Variants in FERMT2 observed in about 807,000 individuals in gnomAD.
The protein encoded by FERMT2 is fermitin family homolog 2.
In FERMT2, 15 loss-of-function variants were observed where a neutral mutation model predicts 82.7. The observed-to-expected ratio is 0.18, with a 90% confidence interval of 0.12 to 0.28. The LOEUF is 0.28. Ranked by LOEUF, FERMT2 falls within the 10% of genes least tolerant of loss-of-function variation. The pLI, the probability that FERMT2 is intolerant of heterozygous loss-of-function variation, is 1.00. For synonymous variants in FERMT2, 274 were observed against 271.5 expected (o/e 1.01, Z -0.09); for missense variants, 645 against 809.4 (o/e 0.80, Z 2.46).
chr14:52,919,874 C>T (rs558432807), intron 2 of FERMT2, among the ~76,000 whole-genome samples: 4 of 152,194 alleles, frequency 2.6e-5, no homozygotes, highest in East Asian at 3.9e-4. Flanking sequence ...AGGGAAAACA[C>T]CCATGAGAAA....
chr14:52,933,480 G>C (rs964707151), intron 2 of FERMT2, among the ~76,000 whole-genome samples: 5 of 151,952 alleles, frequency 3.3e-5, no homozygotes, highest in East Asian at 1.9e-4. Flanking sequence ...AGGCTGAGGT[G>C]GGGGGGAATC....
chr14:52,881,283 T>G lies in FERMT2; in HGVS notation c.713A>C (p.Lys238Thr), dbSNP rs146421425. 6.2e-7 allele frequency: 1 copy of G among 1,613,992 alleles called. No individual in the cohort carries two copies. The highest frequency in any genetic ancestry group is 8.5e-7 in the Non-Finnish European group (1 of 1,180,002). Residue 238 changes from lysine to threonine, a missense_variant, in exon 5 of 15, where the codon AAG becomes ACG. Lys to Thr is a moderately conservative substitution (Grantham distance 78). Coordinates refer to ENST00000341590, the MANE Select transcript of FERMT2 (RefSeq NM_006832.3). ...TSPEILAKMF[K>T]PQALLDKAKI... ...TGCTTTATCAAGAAGAGCTTGAGGC[T>G]TGAACATTTTTGCCAAGATTTCTGG...
rs766674832 is a variant in FERMT2, at chr14:52,881,418, T to C, written c.578A>G (p.Tyr193Cys). 1.9e-6 allele frequency: 3 copies of C among 1,613,970 alleles called. No homozygotes were observed. The East Asian group carries it at 6.7e-5, about 36-fold the overall frequency. ...GLYSKTMTPTYDAHDGSPLSP... is the reference protein window; with the variant it reads ...GLYSKTMTPTCDAHDGSPLSP... ...CAAGGGGCTTCCATCATGAGCATCA[T>C]AAGTGGGGGTCATTGTTTTACTATA... is the stretch of plus-strand genomic sequence containing the variant. The change falls in exon 5 of 15, where the codon TAT (tyrosine) becomes TGT (cysteine). Residue 193 changes from tyrosine to cysteine, a missense_variant. By Grantham distance (194) the Tyr-to-Cys change is radical. Transcript: ENST00000341590.
intron 12 of FERMT2, chr14:52,861,075 G>GAAA: frequency 6.9e-7 from 1 of 1,440,436 alleles, no homozygotes; most frequent in East Asian, 2.7e-5. Flanking sequence ...GAAGCAGAAA[G>GAAA]AAAAAAAAAG....
At chr14:52,887,350 A>AG (rs963560990) in intron 4 of FERMT2, among the ~76,000 whole-genome samples, 1 of 152,098 alleles carries the variant, frequency 6.6e-6, no homozygotes, top group African/African-American at 2.4e-5. Flanking sequence ...TCATCTCTAC[A>AG]AAAAATACAA....
At chr14:52,914,736 A>G (rs1158629886) in intron 3 of FERMT2, among the ~76,000 whole-genome samples, 1 of 152,044 alleles carries the variant, frequency 6.6e-6, no homozygotes, top group Non-Finnish European at 1.5e-5. Flanking sequence ...CCTGGCCCAC[A>G]TGGCAAAACC....
rs1044780418 is a variant in FERMT2, at chr14:52,919,439, G to C, written c.158-83C>G. ...ATTAAAAGCAGAAAACTAGATAATT[G>C]GGTATTTAACAGCAATAATTAACTA... On this transcript the variant is annotated intron_variant, in intron 2 of 14. Coordinates refer to ENST00000341590, the MANE Select transcript of FERMT2 (RefSeq NM_006832.3). The C allele has an allele frequency of 7.4e-6, 7 of 941,292 alleles. No homozygotes were observed. The African/African-American group carries it at 1.0e-4, about 14-fold the overall frequency. 58.3% of individuals were successfully genotyped at this position (941,292 alleles called of 1,614,324 possible).
chr14:52,900,374 T>TATAAAAC lies in FERMT2; in HGVS notation c.392-6948_392-6947insGTTTTAT, dbSNP rs1484966494. 3.9e-5 allele frequency among the ~76,000 whole-genome samples: 6 copies of TATAAAAC among 151,958 alleles called. No individual in the cohort carries two copies. The East Asian group carries it at 7.7e-4, about 20-fold the overall frequency. ...ACACAGGCTATATAAATACTATACA[T>TATAAAAC]ATAAAAAAGCATGAGGGTGAGGGGA... On this transcript the variant is annotated intron_variant, in intron 3 of 14. Transcript: ENST00000341590.
chr14:52,946,069 G>A (rs1342979530), intron 2 of FERMT2, among the ~76,000 whole-genome samples: 2 of 151,734 alleles, frequency 1.3e-5, no homozygotes, highest in African/African-American at 4.8e-5. Flanking sequence ...TAGAGGCGGG[G>A]TTTCACCATA....
chr14:52,914,348 T>G (rs1888497258), intron 3 of FERMT2, among the ~76,000 whole-genome samples: 1 of 151,836 alleles, frequency 6.6e-6, no homozygotes, highest in Non-Finnish European at 1.5e-5. Flanking sequence ...CCAGCCTGGG[T>G]GACAGAGCAA....
At chr14:52,943,606 T>C (rs1890193877) in intron 2 of FERMT2, among the ~76,000 whole-genome samples, 1 of 152,236 alleles carries the variant, frequency 6.6e-6, no homozygotes, top group Non-Finnish European at 1.5e-5. Context: ...ACTGTAATTA[T>C]GCAAGAGAAG....
chr14:52,867,709 A>C (rs1256921646), intron 10 of FERMT2, among the ~76,000 whole-genome samples: 1 of 152,114 alleles, frequency 6.6e-6, no homozygotes, highest in Non-Finnish European at 1.5e-5. Context: ...CAGGCACCTC[A>C]AATTCAAAAT....
intron 3 of FERMT2, among the ~76,000 whole-genome samples, chr14:52,917,527 AC>A (rs1298054227): frequency 1.3e-5 from 2 of 152,176 alleles, no homozygotes; most frequent in East Asian, 1.9e-4. Context: ...AATAATAAAA[AC>A]CCTGTTTCAC....
chr14:52,888,872 T>TA (rs951901087), intron 4 of FERMT2, among the ~76,000 whole-genome samples: 20 of 152,158 alleles, frequency 1.3e-4, no homozygotes, highest in Admixed American at 7.2e-4. Context: ...ATTTTTTTTT[T>TA]CTTTAAGGTA....
At chr14:52,931,731 C>A (rs1391613446) in intron 2 of FERMT2, among the ~76,000 whole-genome samples, 1 of 152,086 alleles carries the variant, frequency 6.6e-6, no homozygotes, top group East Asian at 1.9e-4. Flanking sequence ...TTAATTCCAA[C>A]AAAAAATGTT....
intron 4 of FERMT2, among the ~76,000 whole-genome samples, chr14:52,883,406 T>C (rs565791248): frequency 2.0e-5 from 3 of 152,316 alleles, no homozygotes; most frequent in South Asian, 2.1e-4. Context: ...TCCAACTCAG[T>C]TGGGCAAAGG....
intron 2 of FERMT2, among the ~76,000 whole-genome samples, chr14:52,934,366 T>C (rs577980014): frequency 1.3e-5 from 2 of 152,368 alleles, no homozygotes; most frequent in African/African-American, 4.8e-5. Flanking sequence ...TGAGAAGTGT[T>C]ACTTTTCTTT....
rs1349410902 is a variant in FERMT2, at chr14:52,893,340, T to A, written c.479A>T (p.Glu160Val). 6.2e-7 allele frequency: 1 copy of A among 1,612,976 alleles called. No individual in the cohort carries two copies. The highest frequency in any genetic ancestry group is 8.5e-7 in the Non-Finnish European group (1 of 1,179,710). The change falls in exon 4 of 15, where the codon GAA becomes GTA. Residue 160 changes from glutamate to valine, a missense_variant. By Grantham distance (121) the Glu-to-Val change is moderately radical. Transcript: ENST00000341590. ...KKKKKLDDQSEDEALELEGPL... is the reference protein window; with the variant it reads ...KKKKKLDDQSVDEALELEGPL... Reference sequence around the variant, plus strand: ...CCCCTCTAATTCAAGTGCCTCATCTTCAGACTGGTCATCTAGCTTCTTCTT... The same window carrying A: ...CCCCTCTAATTCAAGTGCCTCATCTACAGACTGGTCATCTAGCTTCTTCTT...
At position 52,875,455 on chromosome 14, in the gene FERMT2, A is replaced by T. The variant is rs1384533538; in HGVS notation, c.964-98T>A. Reference sequence around the variant, plus strand: ...CTATATTTAATGCTTTTCAGGACCTAATTTGAAAAGACAGAAGCGTCTAGG... The same window carrying T: ...CTATATTTAATGCTTTTCAGGACCTTATTTGAAAAGACAGAAGCGTCTAGG... On this transcript the variant is annotated intron_variant, in intron 7 of 14. Coordinates refer to ENST00000341590, the MANE Select transcript of FERMT2 (RefSeq NM_006832.3). The T allele has an allele frequency of 3.4e-6, 3 of 874,754 alleles. No homozygotes were observed. The East Asian group carries it at 8.3e-5, about 24-fold the overall frequency. The allele number at this position is 874,754 out of a possible 1,614,324, so 54.2% of individuals were successfully genotyped here. A position where few individuals can be genotyped will look rare whatever the true frequency, so the allele number is the denominator to read the frequency against.
Sources: allele counts gnomAD v4.1 joint callset (sites outside exome capture counted in the v4.1 genomes callset), GRCh38; gene constraint gnomAD v4.1.1; transcripts MANE v1.5; gene names NCBI Gene and HGNC (gene_info 2026-07-23, HGNC 2026-07-21).